Variants in LRRC40 observed in about 807,000 individuals in gnomAD.
LRRC40 encodes leucine-rich repeat-containing protein 40.
LRRC40 carries 76 observed loss-of-function variants against 72.8 expected under a neutral mutation model. The ratio of observed to expected loss-of-function variants is 1.04; its 90% CI spans 0.87 to 1.26. LRRC40 has a LOEUF of 1.26. LRRC40 is among the 50% of genes most tolerant of loss of function. The pLI is 0.00. For missense variants in LRRC40, 684 were observed against 698.9 expected, an observed-to-expected ratio of 0.98 and a Z score of 0.24; for synonymous variants, 243 against 254.2, an observed-to-expected ratio of 0.96 and a Z score of 0.42.
chr1:70,182,623 ATAAAGT>A (rs1336081448), intron 4 of LRRC40, among the ~76,000 whole-genome samples: 2 of 152,098 alleles, frequency 1.3e-5, no homozygotes, highest in Non-Finnish European at 2.9e-5. Context: ...AAAATTACTA[ATAAAGT>A]TAAATAATTA....
chr1:70,153,604 T>A (rs1248162174), intron 11 of LRRC40, among the ~76,000 whole-genome samples: 1 of 152,202 alleles, frequency 6.6e-6, no homozygotes, highest in Non-Finnish European at 1.5e-5. Flanking sequence ...ATTGTCATAA[T>A]CAACCTTAAA....
Position 70,187,272 on chromosome 1 carries a change from TAA to T in LRRC40, c.398_399del (p.Leu133GlnfsTer5), listed in dbSNP as rs1477658981. On this transcript the variant is annotated frameshift_variant, in exon 3 of 15. Coordinates refer to ENST00000370952, the MANE Select transcript of LRRC40 (RefSeq NM_017768.5). LOFTEE classifies it high-confidence loss of function. The stretch of plus-strand genomic sequence containing the variant: ...AATAAGCTTAATTTTTACCTGACAT[TAA>T]GTTTCTGAAGATTTTCTAGCTCTCT... The part of the protein sequence containing the change: ...AIRELENLQK[L>X]NVSHNKLKIL... The T allele has an allele frequency of 1.3e-6, 2 of 1,543,378 alleles. No homozygotes were observed.
intron 14 of LRRC40, among the ~76,000 whole-genome samples, chr1:70,147,388 G>A (rs971702628): frequency 1.2e-4 from 18 of 151,924 alleles, no homozygotes; most frequent in African/African-American, 2.7e-4. Flanking sequence ...TGTGGATTAC[G>A]AAAAAAATAC....
Position 70,205,347 on chromosome 1 carries a change from T to G in LRRC40, c.151+43A>C, listed in dbSNP as rs1320338292. 3 of 1,508,600 alleles carry G rather than the reference T, an allele frequency of 2.0e-6. No individual in the cohort carries two copies. The South Asian group carries it at 4.1e-5, about 20-fold the overall frequency. The allele number at this position is 1,508,600 out of a possible 1,614,324, so 93.5% of individuals were successfully genotyped here. A position where few individuals can be genotyped will look rare whatever the true frequency, so the allele number is the denominator to read the frequency against. On this transcript the variant is annotated intron_variant, in intron 1 of 14. Transcript: ENST00000370952. ...AAGGGAGGTTGCCTGGGCCAAAGGC[T>G]TTCTGACAGGAGACACAATAGGGTC... is the stretch of plus-strand genomic sequence containing the variant.
chr1:70,189,060 T>G, intron 2 of LRRC40, 32 bp downstream of exon 2: 1 of 1,571,670 alleles, frequency 6.4e-7, no homozygotes, highest in Non-Finnish European at 8.6e-7. Context: ...TCTCTTCAAT[T>G]AATAATCCAT....
At chr1:70,177,506 C>T (rs1668135421) in intron 6 of LRRC40, among the ~76,000 whole-genome samples, 1 of 152,126 alleles carries the variant, frequency 6.6e-6, no homozygotes, top group Non-Finnish European at 1.5e-5. Flanking sequence ...AAAATGATCT[C>T]TTGCAGTTCT....
chr1:70,202,786 A>G (rs1272344235), intron 1 of LRRC40, among the ~76,000 whole-genome samples: 2 of 152,208 alleles, frequency 1.3e-5, no homozygotes, highest in African/African-American at 4.8e-5. Flanking sequence ...CTGGAGACAG[A>G]GGGTATATGA....
At chr1:70,175,428 C>T (rs1224272277) in intron 7 of LRRC40, among the ~76,000 whole-genome samples, 1 of 152,130 alleles carries the variant, frequency 6.6e-6, no homozygotes, top group East Asian at 1.9e-4. Flanking sequence ...CTTAATGTTT[C>T]TCAAATGATT....
chr1:70,178,403 C>T (rs1338560466), intron 6 of LRRC40, among the ~76,000 whole-genome samples: 2 of 152,020 alleles, frequency 1.3e-5, no homozygotes, highest in South Asian at 2.1e-4. Flanking sequence ...ATAAAAAAGG[C>T]AAATCATGGC....
chr1:70,187,264 C>T lies in LRRC40; in HGVS notation c.407+1G>A, dbSNP rs755812121. On this transcript the variant is annotated splice_donor_variant, in intron 3 of 14. Coordinates refer to ENST00000370952, the MANE Select transcript of LRRC40 (RefSeq NM_017768.5). LOFTEE classifies it high-confidence loss of function. The stretch of plus-strand genomic sequence containing the variant: ...TATAAGTAAATAAGCTTAATTTTTA[C>T]CTGACATTAAGTTTCTGAAGATTTT... The T allele has an allele frequency of 2.0e-6, 3 of 1,491,152 alleles. No individual in the cohort carries two copies. Among genetic ancestry groups the T allele is most frequent in the Non-Finnish European group, 2.8e-6 (3 of 1,072,414 alleles). 92.4% of individuals were successfully genotyped at this position (1,491,152 alleles called of 1,614,324 possible). A position where few individuals can be genotyped will look rare whatever the true frequency, so the allele number is the denominator to read the frequency against.
intron 14 of LRRC40, 27 bp from the exon 15 acceptor site, chr1:70,145,932 G>T: frequency 8.9e-7 from 1 of 1,123,956 alleles, no homozygotes; most frequent in Non-Finnish European, 1.3e-6. Context: ...AATTGAGAAT[G>T]TAAACATTTT....
intron 3 of LRRC40, 70 bp from the exon 4 acceptor site, chr1:70,184,984 T>C: frequency 2.2e-6 from 3 of 1,348,258 alleles, no homozygotes; most frequent in Non-Finnish European, 3.1e-6. Flanking sequence ...AAGACATTTC[T>C]TGCTAACCAA....
chr1:70,187,683 TAGTC>T (rs1002244204), intron 2 of LRRC40, among the ~76,000 whole-genome samples: 4 of 151,854 alleles, frequency 2.6e-5, no homozygotes, highest in Admixed American at 6.6e-5. Flanking sequence ...AAATTCTTAT[TAGTC>T]AGGCGTAGTG....
chr1:70,176,926 AAACTTACATAC>A (rs1432782877), intron 6 of LRRC40, among the ~76,000 whole-genome samples: 1 of 152,230 alleles, frequency 6.6e-6, no homozygotes, highest in Non-Finnish European at 1.5e-5. Context: ...AAATGTATCA[AAACTTACATAC>A]AACTTACAGA....
At position 70,148,509 on chromosome 1, in the gene LRRC40, G is replaced by C; in HGVS notation, c.1681C>G (p.Leu561Val). The change falls in exon 14 of 15, where the codon CTC (leucine) becomes GTC (valine). Residue 561 changes from leucine to valine, a missense_variant. Coordinates refer to ENST00000370952, the MANE Select transcript of LRRC40 (RefSeq NM_017768.5). The stretch of plus-strand genomic sequence containing the variant: ...TACCTTAAGTTTACACAATTACCGA[G>C]CTCTGGTGGAATTTGTAAGAGGTCA... ...NNDLLQIPPE[L>V]GNCVNLRTLL... The C allele has an allele frequency of 6.2e-7, 1 of 1,612,520 alleles. No individual in the cohort carries two copies. Among genetic ancestry groups the C allele is most frequent in the Non-Finnish European group, 8.5e-7 (1 of 1,178,916 alleles).
At chr1:70,180,610 T>C (rs6666941) in intron 5 of LRRC40, among the ~76,000 whole-genome samples, 28,413 of 152,158 alleles carry the variant, frequency 0.19, 2,951 homozygotes, top group East Asian at 0.41. Flanking sequence ...TGATGGCAAA[T>C]TTTAACAGAA....
chr1:70,148,726 T>A, intron 13 of LRRC40, 54 bp from the exon 14 acceptor site: 1 of 1,066,784 alleles, frequency 9.4e-7, no homozygotes, highest in Non-Finnish European at 1.3e-6. Flanking sequence ...CCAAAATCAT[T>A]CCTTAAAACA....
chr1:70,174,188 A>G (rs1668054308), intron 7 of LRRC40, among the ~76,000 whole-genome samples: 1 of 152,104 alleles, frequency 6.6e-6, no homozygotes, highest in South Asian at 2.1e-4. Flanking sequence ...TTTAAAAACC[A>G]TTCATACATA....
At chr1:70,170,334 A>G (rs754571453) in intron 9 of LRRC40, among the ~76,000 whole-genome samples, 1 of 152,210 alleles carries the variant, frequency 6.6e-6, no homozygotes, top group Non-Finnish European at 1.5e-5. Flanking sequence ...TTTCCCCCAA[A>G]GATGTCCAGT....
Sources: allele counts gnomAD v4.1 joint callset (sites outside exome capture counted in the v4.1 genomes callset), GRCh38; gene constraint gnomAD v4.1.1; transcripts MANE v1.5; gene names NCBI Gene and HGNC (gene_info 2026-07-23, HGNC 2026-07-21).